Variants in CCSER1 observed in about 807,000 individuals in gnomAD.
CCSER1 encodes coiled-coil serine rich protein 1.
CCSER1 carries 41 observed loss-of-function variants against 82.0 expected under a neutral mutation model. The observed-to-expected ratio is 0.50, with a 90% CI of 0.39 to 0.65. The LOEUF is 0.65. CCSER1 is among the 30% of genes least tolerant of loss of function. CCSER1 has a pLI of 0.00. For missense variants in CCSER1, 1,119 were observed against 1,064.2 expected (o/e 1.05, Z -0.72); for synonymous variants, 414 against 383.9 (o/e 1.08, Z -0.92).
rs560091844 is a variant in CCSER1 at position 91,275,060 on chromosome 4, C to T, written c.2217+189066C>T. 2.2e-4 allele frequency among the ~76,000 whole-genome samples: 33 copies of T among 151,794 alleles called. No individual in the cohort carries two copies. In the South Asian group the frequency reaches 5.6e-3, roughly 26 times the overall value. ...GGCAGAGCTTGCAGTGAGCCGAGAT[C>T]GCGCCACTGCACTCCAGCCTGGGTG... On this transcript the variant is annotated intron_variant, in intron 10 of 10. Transcript: ENST00000509176.
intron 5 of CCSER1, among the ~76,000 whole-genome samples, chr4:90,612,606 G>C (rs1037511446): frequency 6.6e-6 from 1 of 152,056 alleles, no homozygotes; most frequent in Admixed American, 6.6e-5. Flanking sequence ...ATTCTCCCTA[G>C]TGTAAAAAGG....
intron 5 of CCSER1, among the ~76,000 whole-genome samples, chr4:90,502,654 C>A (rs1008470678): frequency 2.8e-4 from 43 of 152,102 alleles, no homozygotes; most frequent in African/African-American, 9.6e-4. Context: ...GGGAAAAACA[C>A]CACTTTTTCT....
intron 5 of CCSER1, among the ~76,000 whole-genome samples, chr4:90,522,948 A>G (rs545918328): frequency 6.6e-6 from 1 of 152,112 alleles, no homozygotes; most frequent in South Asian, 2.1e-4. Context: ...CTATGATACT[A>G]TTGGCTGCTC....
intron 1 of CCSER1, among the ~76,000 whole-genome samples, chr4:90,227,898 T>A (rs1267325988): frequency 6.6e-6 from 1 of 152,216 alleles, no homozygotes; most frequent in African/African-American, 2.4e-5. Flanking sequence ...TCCACCCGAA[T>A]ACAGCGCTTT....
intron 5 of CCSER1, among the ~76,000 whole-genome samples, chr4:90,608,613 A>AT (rs985642184): frequency 2.6e-5 from 4 of 152,146 alleles, no homozygotes; most frequent in Admixed American, 1.3e-4. Context: ...ATACATTATC[A>AT]TTAAGAGGTA....
chr4:90,727,247 C>T (rs1422895845), intron 7 of CCSER1: 1 of 456,150 alleles, frequency 2.2e-6, no homozygotes, highest in South Asian at 1.5e-5. Context: ...TGGTCTGACA[C>T]ATGCCACTGC....
At chr4:90,888,269 G>T (rs191868398) in intron 8 of CCSER1, among the ~76,000 whole-genome samples, 2 of 152,176 alleles carry the variant, frequency 1.3e-5, no homozygotes, top group East Asian at 3.9e-4. Context: ...TATATAAAAA[G>T]TAGATTAAAG....
At chr4:91,204,801 AG>A (rs1435001758) in intron 10 of CCSER1, among the ~76,000 whole-genome samples, 3 of 151,782 alleles carry the variant, frequency 2.0e-5, no homozygotes, top group African/African-American at 7.2e-5. Context: ...TTAATGAAAA[AG>A]GTTAGCATGG....
At chr4:91,012,366 G>A (rs929757197) in intron 9 of CCSER1, among the ~76,000 whole-genome samples, 7 of 134,650 alleles carry the variant, frequency 5.2e-5, no homozygotes, top group African/African-American at 1.7e-4. Context: ...AGGCAGCACT[G>A]TGCAGCTTTA....
chr4:90,389,863 T>C (rs1389977253), intron 3 of CCSER1, among the ~76,000 whole-genome samples: 1 of 152,212 alleles, frequency 6.6e-6, no homozygotes, highest in Non-Finnish European at 1.5e-5. Flanking sequence ...AGTCTTGCTA[T>C]GTTGCCCAGG....
At chr4:90,536,803 T>G (rs1013594160) in intron 5 of CCSER1, among the ~76,000 whole-genome samples, 2 of 152,328 alleles carry the variant, frequency 1.3e-5, no homozygotes, top group South Asian at 2.1e-4. Context: ...TCTAGCTACC[T>G]TACATGGTTA....
chr4:90,946,208 C>T (rs950894189), intron 9 of CCSER1, among the ~76,000 whole-genome samples: 8 of 152,108 alleles, frequency 5.3e-5, no homozygotes, highest in African/African-American at 1.2e-4. Flanking sequence ...TTTAAGTCCT[C>T]GAAGAGAATA....
chr4:90,478,915 A>AT (rs555323909), intron 5 of CCSER1, among the ~76,000 whole-genome samples: 36 of 151,656 alleles, frequency 2.4e-4, no homozygotes, highest in East Asian at 1.6e-3. Flanking sequence ...TAATTTTTGT[A>AT]TTTTTAGTAT....
chr4:91,568,570 C>T lies in CCSER1; in HGVS notation c.2218-30002C>T, dbSNP rs142410192. Among the ~76,000 whole-genome samples, 172 of 151,802 alleles carry T rather than the reference C, an allele frequency of 1.1e-3. 2 individuals are homozygous for T. The East Asian group carries it at 0.022, about 20-fold the overall frequency. On this transcript the variant is annotated intron_variant, in intron 10 of 10. Transcript: ENST00000509176. ...ATTTTTATTTTTGTTTATTTTTGTC[C>T]GCTGTCTTATTTCAGAAAACCAGTC...
At chr4:90,595,220 T>A (rs1783187557) in intron 5 of CCSER1, among the ~76,000 whole-genome samples, 1 of 151,980 alleles carries the variant, frequency 6.6e-6, no homozygotes, top group Non-Finnish European at 1.5e-5. Flanking sequence ...TTGTCAGGCA[T>A]CACATGAAGT....
At chr4:90,988,334 C>CAAAAAAAAAAAAAAAAA (rs60408059) in intron 9 of CCSER1, among the ~76,000 whole-genome samples, 3 of 75,368 alleles carry the variant, frequency 4.0e-5, no homozygotes, top group Admixed American at 1.5e-4. Context: ...TATCTTGTCT[C>CAAAAAAAAAAAAAAAAA]AAAAAAAAAA....
intron 10 of CCSER1, among the ~76,000 whole-genome samples, chr4:91,589,063 T>C (rs562487559): frequency 6.6e-6 from 1 of 151,886 alleles, no homozygotes; most frequent in Non-Finnish European, 1.5e-5. Flanking sequence ...TAGTAATATA[T>C]TGACTTTATC....
intron 10 of CCSER1, among the ~76,000 whole-genome samples, chr4:91,329,888 G>A (rs1746827303): frequency 6.6e-6 from 1 of 151,898 alleles, no homozygotes; most frequent in South Asian, 2.1e-4. Context: ...CTCTTTTGTT[G>A]TTAAATTTTT....
chr4:90,847,657 A>G (rs1222726202), intron 8 of CCSER1, among the ~76,000 whole-genome samples: 4 of 152,186 alleles, frequency 2.6e-5, no homozygotes, highest in African/African-American at 9.7e-5. Flanking sequence ...ACGTCGACTT[A>G]GGTATACTTT....
Sources: gnomAD v4.1 joint callset for allele counts (sites outside exome capture counted in the v4.1 genomes callset) on GRCh38, gnomAD v4.1.1 for gene constraint, MANE v1.5 for transcripts, NCBI Gene and HGNC (gene_info 2026-07-23, HGNC 2026-07-21) for gene names.